AKT3: variants seen among roughly 807,000 people sequenced by gnomAD.
AKT3 encodes the protein AKT serine/threonine kinase 3.
In AKT3, 15 loss-of-function variants were observed where a neutral mutation model predicts 65.3. The observed-to-expected ratio is 0.23, with a 90% CI of 0.15 to 0.35. The LOEUF (loss-of-function observed/expected upper bound fraction) is 0.35. Among genes scored for constraint, AKT3 ranks in the 10% least tolerant of loss-of-function variants. AKT3 has a pLI of 1.00. For synonymous variants in AKT3, 206 were observed against 183.8 expected (o/e 1.12, Z -0.98); for missense variants, 243 against 576.5 (o/e 0.42, Z 5.92).
chr1:243,569,932 T>C (rs574481431), intron 9 of AKT3, among the ~76,000 whole-genome samples: 1 of 152,242 alleles, frequency 6.6e-6, no homozygotes, highest in East Asian at 1.9e-4. Flanking sequence ...TTTGAAGAGA[T>C]TTCTTCGAAA....
chr1:243,798,413 T>TTTG (rs1692179153), intron 2 of AKT3, among the ~76,000 whole-genome samples: 3 of 138,048 alleles, frequency 2.2e-5, no homozygotes, highest in Non-Finnish European at 3.2e-5. Context: ...TTTTTTTTTT[T>TTTG]TTTTGTTTTG....
intron 6 of AKT3, among the ~76,000 whole-genome samples, chr1:243,617,735 G>A (rs991847145): frequency 1.3e-5 from 2 of 152,202 alleles, no homozygotes; most frequent in African/African-American, 4.8e-5. Flanking sequence ...GTCTACTCAC[G>A]TTCTTCTAAG....
At chr1:243,797,521 A>G (rs1379275502) in intron 2 of AKT3, among the ~76,000 whole-genome samples, 1 of 152,224 alleles carries the variant, frequency 6.6e-6, no homozygotes, top group African/African-American at 2.4e-5. Flanking sequence ...ATTCTCAGAC[A>G]TTGCTTTATT....
chr1:243,627,330 T>C (rs1418916951), intron 6 of AKT3, among the ~76,000 whole-genome samples: 1 of 132,040 alleles, frequency 7.6e-6, no homozygotes, highest in Non-Finnish European at 1.6e-5. Context: ...CCTGTTTCAA[T>C]TAAAAAAAAA....
intron 13 of AKT3, among the ~76,000 whole-genome samples, chr1:243,494,633 C>G (rs73120374): frequency 6.6e-6 from 1 of 152,206 alleles, no homozygotes; most frequent in African/African-American, 2.4e-5. Context: ...ACTTGCTCTT[C>G]CGTTAACAGT....
At chr1:243,625,918 G>A (rs1679126915) in intron 6 of AKT3, among the ~76,000 whole-genome samples, 2 of 152,236 alleles carry the variant, frequency 1.3e-5, no homozygotes, top group South Asian at 2.1e-4. Context: ...CTGGGTAAAA[G>A]CCACTGTAAA....
intron 2 of AKT3, among the ~76,000 whole-genome samples, chr1:243,810,525 C>A (rs1283909281): frequency 6.6e-6 from 1 of 152,098 alleles, no homozygotes; most frequent in Non-Finnish European, 1.5e-5. Context: ...GAAATTGAGG[C>A]AATAATTAAT....
intron 11 of AKT3, among the ~76,000 whole-genome samples, chr1:243,550,029 T>TA (rs35874268): frequency 2.6e-5 from 4 of 152,234 alleles, no homozygotes; most frequent in Admixed American, 2.6e-4. Context: ...ACTCTACATG[T>TA]AAATTTCTGT....
At chr1:243,784,110 G>A (rs1368632891) in intron 2 of AKT3, among the ~76,000 whole-genome samples, 6 of 152,118 alleles carry the variant, frequency 3.9e-5, no homozygotes, top group East Asian at 1.9e-4. Flanking sequence ...AATGGATGAC[G>A]TGACAGAGAT....
At chr1:243,836,768 G>A (rs1293157241) in intron 2 of AKT3, among the ~76,000 whole-genome samples, 1 of 151,908 alleles carries the variant, frequency 6.6e-6, no homozygotes, top group Non-Finnish European at 1.5e-5. Context: ...AAATTAGCCA[G>A]GCATGGTGGC....
chr1:243,564,291 GT>G (rs1674000891), intron 9 of AKT3, among the ~76,000 whole-genome samples: 1 of 152,112 alleles, frequency 6.6e-6, no homozygotes, highest in African/African-American at 2.4e-5. Flanking sequence ...TTACAGAAAT[GT>G]TTTTTGGTGG....
chr1:243,667,133 A>G (rs1682843552), intron 3 of AKT3, among the ~76,000 whole-genome samples: 3 of 152,200 alleles, frequency 2.0e-5, no homozygotes, highest in Admixed American at 6.5e-5. Context: ...AAAGTAAGAC[A>G]TCGTTACCAT....
At chr1:243,812,850 T>C (rs1693253880) in intron 2 of AKT3, among the ~76,000 whole-genome samples, 1 of 152,000 alleles carries the variant, frequency 6.6e-6, no homozygotes, top group Admixed American at 6.5e-5. Context: ...ATAAAAATGA[T>C]GAGTTCATGT....
At chr1:243,536,876 G>A (rs776034739) in intron 12 of AKT3, among the ~76,000 whole-genome samples, 6 of 152,102 alleles carry the variant, frequency 3.9e-5, no homozygotes, top group Admixed American at 3.9e-4. Flanking sequence ...CATTATTTGA[G>A]TGTGATAAGG....
At chr1:243,601,589 T>C (rs930422993) in intron 8 of AKT3, among the ~76,000 whole-genome samples, 4 of 152,166 alleles carry the variant, frequency 2.6e-5, no homozygotes, top group African/African-American at 9.7e-5. Flanking sequence ...ATTAAAAATA[T>C]ATATTCACAC....
chr1:243,593,847 TAA>T (rs1020673412), intron 8 of AKT3, among the ~76,000 whole-genome samples: 41 of 152,196 alleles, frequency 2.7e-4, no homozygotes, highest in African/African-American at 9.4e-4. Context: ...CACTTAATAA[TAA>T]AAGACTTAAT....
chr1:243,542,807 A>G (rs1672408517), intron 12 of AKT3, among the ~76,000 whole-genome samples: 1 of 152,168 alleles, frequency 6.6e-6, no homozygotes, highest in South Asian at 2.1e-4. Flanking sequence ...ACTCAATCAC[A>G]TTTTCCTTTT....
At chr1:243,577,169 C>CA (rs1371135320) in intron 8 of AKT3, among the ~76,000 whole-genome samples, 1 of 152,102 alleles carries the variant, frequency 6.6e-6, no homozygotes, top group Non-Finnish European at 1.5e-5. Context: ...ATGATTGAGA[C>CA]AGAGTCTCAC....
At chr1:243,785,619 T>C (rs1414064407) in intron 2 of AKT3, among the ~76,000 whole-genome samples, 3 of 152,210 alleles carry the variant, frequency 2.0e-5, no homozygotes, top group Non-Finnish European at 4.4e-5. Flanking sequence ...AAAAAGTCAA[T>C]CTTGGTTTCT....
Sources: allele counts gnomAD v4.1 joint callset (sites outside exome capture counted in the v4.1 genomes callset), GRCh38; gene constraint gnomAD v4.1.1; transcripts MANE v1.5; gene names NCBI Gene and HGNC (gene_info 2026-07-23, HGNC 2026-07-21).